ZNF541: variants seen among roughly 807,000 people sequenced by gnomAD.
The protein encoded by ZNF541 is zinc finger protein 541.
Under a neutral mutation model 123.5 loss-of-function variants are expected in ZNF541, and 23 were observed. The ratio of observed to expected loss-of-function variants is 0.19; its 90% CI spans 0.13 to 0.26. The LOEUF is 0.26. ZNF541 is among the 10% of genes least tolerant of loss of function. The pLI is 1.00. For synonymous variants in ZNF541, 751 were observed against 754.5 expected (o/e 1.00, Z 0.08); for missense variants, 1,612 against 1,789.9 (o/e 0.90, Z 1.79).
chr19:47,570,067 G>A lies in ZNF541; in HGVS notation c.-99+1829C>T, dbSNP rs192238781. On this transcript the variant is annotated intron_variant, in intron 2 of 16. Coordinates refer to ENST00000391901, the MANE Select transcript of ZNF541 (RefSeq NM_001277075.3). The stretch of plus-strand genomic sequence containing the variant: ...AGGCGGGCAGATCACAAGGTCAGGA[G>A]ATCGAGACCATCCTGGCTAACACGG... 3.2e-3 allele frequency among the ~76,000 whole-genome samples: 492 copies of A among 151,978 alleles called. 2 individuals carry two copies. The highest frequency in any genetic ancestry group is 0.011 in the African/African-American group (459 of 41,452).
chr19:47,526,114 A>G (rs1181257476), intron 14 of ZNF541, among the ~76,000 whole-genome samples: 2 of 152,198 alleles, frequency 1.3e-5, no homozygotes, highest in Non-Finnish European at 2.9e-5. Context: ...AGATTGGGAG[A>G]AAACATTCAC....
intron 2 of ZNF541, among the ~76,000 whole-genome samples, chr19:47,564,949 T>C (rs889335546): frequency 6.6e-6 from 1 of 152,000 alleles, no homozygotes; most frequent in African/African-American, 2.4e-5. Context: ...AAGAAATATA[T>C]ATATGATGGA....
chr19:47,542,176 C>A (rs966890345), intron 5 of ZNF541, among the ~76,000 whole-genome samples: 1 of 152,114 alleles, frequency 6.6e-6, no homozygotes, highest in Non-Finnish European at 1.5e-5. Flanking sequence ...ATGTCCAGAA[C>A]AGACACATCC....
chr19:47,554,042 G>T (rs144162502), intron 3 of ZNF541, among the ~76,000 whole-genome samples: 2 of 152,150 alleles, frequency 1.3e-5, no homozygotes, highest in Admixed American at 6.6e-5. Context: ...CCTTCAATAT[G>T]AAAGCAAATA....
At chr19:47,534,192 A>C (rs1026076065) in intron 9 of ZNF541, among the ~76,000 whole-genome samples, 1 of 152,250 alleles carries the variant, frequency 6.6e-6, no homozygotes, top group Admixed American at 6.5e-5. Context: ...GTTGACAGGA[A>C]GAAAATAATC....
At chr19:47,562,894 G>A (rs1016216574) in intron 2 of ZNF541, among the ~76,000 whole-genome samples, 2 of 152,110 alleles carry the variant, frequency 1.3e-5, no homozygotes, top group African/African-American at 4.8e-5. Flanking sequence ...TGAACATTTG[G>A]GTTACTTCCA....
At chr19:47,542,175 A>G (rs1970108242) in intron 5 of ZNF541, among the ~76,000 whole-genome samples, 2 of 152,266 alleles carry the variant, frequency 1.3e-5, no homozygotes, top group African/African-American at 2.4e-5. Flanking sequence ...AATGTCCAGA[A>G]CAGACACATC....
chr19:47,531,906 C>T (rs773135266), intron 11 of ZNF541, among the ~76,000 whole-genome samples, 161 bp from the exon 12 acceptor site: 57 of 152,162 alleles, frequency 3.7e-4, no homozygotes, highest in Non-Finnish European at 7.4e-4. Flanking sequence ...GTCCCCAGCA[C>T]CCACTCCTGA....
At chr19:47,530,005 G>C (rs1457784939) in intron 12 of ZNF541, among the ~76,000 whole-genome samples, 5 of 152,186 alleles carry the variant, frequency 3.3e-5, no homozygotes, top group Admixed American at 1.3e-4. Context: ...TTTCTTCATA[G>C]CACTAGTCAA....
At chr19:47,527,251 G>T (rs1400234442) in intron 14 of ZNF541, among the ~76,000 whole-genome samples, 1 of 152,182 alleles carries the variant, frequency 6.6e-6, no homozygotes, top group Admixed American at 6.6e-5. Flanking sequence ...CTTGACTGTG[G>T]TGATGGTTTC....
chr19:47,522,682 G>A (rs1281558872), intron 14 of ZNF541, among the ~76,000 whole-genome samples: 1 of 150,984 alleles, frequency 6.6e-6, no homozygotes, highest in Admixed American at 6.6e-5. Context: ...TGTGGTCCCA[G>A]CTACTTAAGA....
In ZNF541 at chr19:47,545,016, T is replaced by G; in HGVS notation, c.1513A>C (p.Lys505Gln). ...EDDPCAPKKV[K>Q]VDCDSFLCQN... ...CACAGGAAGGAGTCGCAGTCGACCTTGACCTTCTTGGGGGCGCAGGGGTCA... is the reference window on the plus strand; with the variant it reads ...CACAGGAAGGAGTCGCAGTCGACCTGGACCTTCTTGGGGGCGCAGGGGTCA... The change falls in exon 5 of 17, where the codon AAG becomes CAG. Residue 505 changes from lysine (K) to glutamine (Q), a missense_variant. By Grantham distance (53) the Lys-to-Gln change is moderately conservative. Coordinates refer to ENST00000391901, the MANE Select transcript of ZNF541 (RefSeq NM_001277075.3). The surrounding 1 kb of genome is among the most constrained non-coding windows in gnomAD (Gnocchi z 7.5). 2 of 1,509,350 alleles carry G rather than the reference T, an allele frequency of 1.3e-6. No individual in the cohort carries two copies. The allele number at this position is 1,509,350 out of a possible 1,614,324, so 93.5% of individuals were successfully genotyped here.
Position 47,544,591 on chromosome 19 carries a change from G to T in ZNF541, c.1938C>A (p.Asp646Glu). 2 of 1,551,380 alleles carry T rather than the reference G, an allele frequency of 1.3e-6. No homozygotes were observed. Among genetic ancestry groups the T allele is most frequent in the Non-Finnish European group, 8.7e-7 (1 of 1,146,952 alleles). The change falls in exon 5 of 17, where the codon GAC becomes GAA. Residue 646 changes from aspartate (D) to glutamate (E), a missense_variant. Around this residue, in one of 5 missense-constraint regions of ZNF541, gnomAD observed 1,080 missense variants for 1,013.8 expected, o/e 1.07. Coordinates refer to ENST00000391901, the MANE Select transcript of ZNF541 (RefSeq NM_001277075.3). ...REASPGSTRR[D>E]AKGGLKVAAV... ...CGGCCACTTTCAGTCCCCCCTTTGC[G>T]TCTCGTCTCGTGCTGCCGGGGGAGG...
At chr19:47,548,952 G>A (rs935733474) in intron 4 of ZNF541, among the ~76,000 whole-genome samples, 5 of 151,662 alleles carry the variant, frequency 3.3e-5, no homozygotes, top group South Asian at 2.1e-4. Flanking sequence ...GGTGGCGGGC[G>A]CTTGTAATCC....
chr19:47,532,788 G>T, intron 10 of ZNF541, 121 bp downstream of exon 10: 1 of 781,120 alleles, frequency 1.3e-6, no homozygotes, highest in Non-Finnish European at 2.0e-6. Flanking sequence ...ACCGCTTCAC[G>T]CCTAGGGAGC....
intron 3 of ZNF541, among the ~76,000 whole-genome samples, chr19:47,554,014 C>T (rs1970713353): frequency 6.6e-6 from 1 of 152,164 alleles, no homozygotes; most frequent in Admixed American, 6.6e-5. Context: ...TTTCAGTGAC[C>T]CTCAGTATGA....
At chr19:47,538,053 C>T (rs1333275468) in intron 9 of ZNF541, 89 bp downstream of exon 9, 8 of 1,448,592 alleles carry the variant, frequency 5.5e-6, no homozygotes, top group Non-Finnish European at 7.5e-6. Context: ...AGGAGACAAT[C>T]ACTGAACCCA....
At chr19:47,528,612 C>T (rs1969419633) in intron 14 of ZNF541, among the ~76,000 whole-genome samples, 1 of 152,058 alleles carries the variant, frequency 6.6e-6, no homozygotes, top group African/African-American at 2.4e-5. Flanking sequence ...GCCACCATGG[C>T]CGGCCCTTAT....
chr19:47,554,631 C>A (rs1970737955), intron 3 of ZNF541, among the ~76,000 whole-genome samples: 1 of 152,096 alleles, frequency 6.6e-6, no homozygotes, highest in African/African-American at 2.4e-5. Context: ...AGGGACCGGA[C>A]CCCAGTTCAT....
Sources: gnomAD v4.1 joint callset for allele counts (sites outside exome capture counted in the v4.1 genomes callset) on GRCh38, gnomAD v4.1.1 for gene constraint, gnomAD v4.1.1 regional missense constraint, Gnocchi (gnomAD v3.1) non-coding constraint, MANE v1.5 for transcripts, NCBI Gene and HGNC (gene_info 2026-07-23, HGNC 2026-07-21) for gene names.